The following ZNF385D variants were observed in gnomAD, a reference collection of about 807,000 sequenced individuals.
The protein encoded by ZNF385D is zinc finger protein 385D.
Under a neutral mutation model 35.8 loss-of-function variants are expected in ZNF385D, and 15 were observed. That is an observed-to-expected ratio of 0.42 (90% CI 0.28 to 0.64). The LOEUF (loss-of-function observed/expected upper bound fraction) is 0.64. ZNF385D is among the 30% of genes least tolerant of loss of function. The pLI, the probability that ZNF385D is intolerant of heterozygous loss-of-function variation, is 0.23. For synonymous variants in ZNF385D, 212 were observed against 186.8 expected, an observed-to-expected ratio of 1.13 and a Z score of -1.10; for missense variants, 474 against 494.6, an observed-to-expected ratio of 0.96 and a Z score of 0.39.
chr3:21,951,843 T>C (rs1275337587), intron 3 of ZNF385D, among the ~76,000 whole-genome samples: 1 of 151,690 alleles, frequency 6.6e-6, no homozygotes, highest in African/African-American at 2.4e-5. Flanking sequence ...TTCTTTTATT[T>C]AGCCCCTGGA....
intron 3 of ZNF385D, among the ~76,000 whole-genome samples, chr3:21,520,110 C>T (rs888782985): frequency 6.6e-6 from 1 of 152,134 alleles, no homozygotes; most frequent in African/African-American, 2.4e-5. Flanking sequence ...CTAAGGAAAA[C>T]GTTACAAGAA....
chr3:21,905,271 T>G (rs961514140), intron 3 of ZNF385D, among the ~76,000 whole-genome samples: 1 of 137,762 alleles, frequency 7.3e-6, no homozygotes, highest in Non-Finnish European at 1.6e-5. Flanking sequence ...TAAAGGGAAA[T>G]GCACAAAAAC....
intron 2 of ZNF385D, among the ~76,000 whole-genome samples, chr3:21,628,187 T>C (rs1027450984): frequency 4.6e-5 from 7 of 152,058 alleles, no homozygotes; most frequent in African/African-American, 1.4e-4. Context: ...GGAGCTAAAA[T>C]TGAGTAAAAG....
At chr3:22,006,869 G>T (rs143880881) in intron 3 of ZNF385D, among the ~76,000 whole-genome samples, 15 of 152,012 alleles carry the variant, frequency 9.9e-5, no homozygotes, top group African/African-American at 1.9e-4. Context: ...CCAACAGAGA[G>T]ACATCAGAAA....
At chr3:21,788,864 A>G (rs1463439151) in intron 3 of ZNF385D, among the ~76,000 whole-genome samples, 1 of 152,180 alleles carries the variant, frequency 6.6e-6, no homozygotes, top group East Asian at 1.9e-4. Context: ...AATGTGGCCA[A>G]TGAGACGCTG....
chr3:21,851,609 G>T (rs545554228), intron 3 of ZNF385D, among the ~76,000 whole-genome samples: 3 of 152,066 alleles, frequency 2.0e-5, no homozygotes, highest in African/African-American at 7.2e-5. Context: ...AAAATATCTT[G>T]TGGTCATGAC....
At chr3:22,244,523 T>G (rs1314509596) in intron 2 of ZNF385D, among the ~76,000 whole-genome samples, 1 of 150,918 alleles carries the variant, frequency 6.6e-6, no homozygotes. Context: ...CCTTACTACT[T>G]TGAATTGGTA....
chr3:21,671,453 A>C (rs2125284106), intron 1 of ZNF385D, among the ~76,000 whole-genome samples: 1 of 152,254 alleles, frequency 6.6e-6, no homozygotes, highest in Admixed American at 6.5e-5. Flanking sequence ...CTATTCATTA[A>C]TTGGCATGGA....
At chr3:21,870,084 A>G (rs1241965470) in intron 3 of ZNF385D, among the ~76,000 whole-genome samples, 1 of 152,134 alleles carries the variant, frequency 6.6e-6, no homozygotes, top group African/African-American at 2.4e-5. Context: ...TTCCAAAAAT[A>G]TACACTAATA....
chr3:22,088,189 T>C (rs1028278012), intron 3 of ZNF385D, among the ~76,000 whole-genome samples: 1 of 152,172 alleles, frequency 6.6e-6, no homozygotes, highest in Non-Finnish European at 1.5e-5. Flanking sequence ...GCCCATGATA[T>C]TAGGCTGCAA....
At chr3:22,365,166 G>T (rs758431641) in intron 2 of ZNF385D, among the ~76,000 whole-genome samples, 2 of 151,960 alleles carry the variant, frequency 1.3e-5, no homozygotes, top group Non-Finnish European at 2.9e-5. Context: ...TTCTAGAGAT[G>T]GATGATGGTG....
intron 4 of ZNF385D, among the ~76,000 whole-genome samples, chr3:21,452,927 G>T (rs1039563115): frequency 1.3e-5 from 2 of 151,884 alleles, no homozygotes; most frequent in Non-Finnish European, 1.5e-5. Flanking sequence ...AATAAAGTTA[G>T]AGGATTCGAG....
chr3:22,133,562 T>C (rs1703929609), intron 3 of ZNF385D: 1 of 152,092 alleles, frequency 6.6e-6, no homozygotes, highest in South Asian at 2.1e-4. Flanking sequence ...TGAGGCAAGA[T>C]CAAGTAATAA....
At chr3:22,031,017 C>A (rs1224736079) in intron 3 of ZNF385D, among the ~76,000 whole-genome samples, 1 of 152,188 alleles carries the variant, frequency 6.6e-6, no homozygotes, top group African/African-American at 2.4e-5. Context: ...TTCAAAGTCT[C>A]CTTTGATTCT....
At chr3:22,178,690 G>T (rs1237283684) in intron 2 of ZNF385D, among the ~76,000 whole-genome samples, 1 of 152,124 alleles carries the variant, frequency 6.6e-6, no homozygotes, top group South Asian at 2.1e-4. Context: ...TATTGCCTAG[G>T]TTTTCTTCTA....
chr3:22,041,280 T>G lies in ZNF385D; in HGVS notation c.325+127537A>C, dbSNP rs202083496. On this transcript the variant is annotated intron_variant, in intron 3 of 5. Coordinates refer to the ZNF385D transcript ENST00000494108. ...CTCTGAAATAGGCCATGTGTTCACATTGAACTATAGCCAGGCATCTATAGT... is the reference window on the plus strand; with the variant it reads ...CTCTGAAATAGGCCATGTGTTCACAGTGAACTATAGCCAGGCATCTATAGT... Among the ~76,000 whole-genome samples the G allele has an allele frequency of 2.5e-3, 377 of 152,270 alleles. 2 individuals carry two copies. The highest frequency in any genetic ancestry group is 4.6e-3 in the Admixed American group (70 of 15,282).
intron 2 of ZNF385D, among the ~76,000 whole-genome samples, chr3:22,187,156 G>C (rs1314313710): frequency 6.6e-6 from 1 of 152,034 alleles, no homozygotes; most frequent in African/African-American, 2.4e-5. Context: ...AAATTTCGTG[G>C]CCATTCTTCA....
Position 21,482,095 on chromosome 3 carries a change from T to A in ZNF385D, c.439+28766A>T, listed in dbSNP as rs1239349167. Among the ~76,000 whole-genome samples the A allele has an allele frequency of 3.3e-5, 5 of 152,122 alleles. No individual in the cohort carries two copies. The East Asian group carries it at 9.7e-4, about 29-fold the overall frequency. ...ACAGAACTGAGTCCAATGAACTAAG[T>A]GTGATTTGCAAGAGTGAGTATGTAG... On this transcript the variant is annotated intron_variant, in intron 4 of 7. Coordinates refer to ENST00000281523, the MANE Select transcript of ZNF385D (RefSeq NM_024697.3).
intron 3 of ZNF385D, among the ~76,000 whole-genome samples, chr3:21,780,477 A>T (rs1017013934): frequency 1.3e-5 from 2 of 151,998 alleles, no homozygotes; most frequent in Non-Finnish European, 2.9e-5. Flanking sequence ...TACGACATGC[A>T]TCTGTACTAC....
Sources: gnomAD v4.1 joint callset for allele counts (sites outside exome capture counted in the v4.1 genomes callset) on GRCh38, gnomAD v4.1.1 for gene constraint, MANE v1.5 for transcripts, NCBI Gene and HGNC (gene_info 2026-07-23, HGNC 2026-07-21) for gene names.